The following ATG5 variants were observed in gnomAD, a reference collection of about 807,000 sequenced individuals.
ATG5 encodes the protein autophagy protein 5.
ATG5 carries 14 observed loss-of-function variants against 36.5 expected under a neutral mutation model. That is an observed-to-expected ratio of 0.38 (90% CI 0.25 to 0.60). The LOEUF (loss-of-function observed/expected upper bound fraction) is 0.60, where lower values mean the gene tolerates loss of function less well. Among genes scored for constraint, ATG5 ranks in the 20% least tolerant of loss-of-function variants. The pLI, the probability that ATG5 is intolerant of heterozygous loss-of-function variation, is 0.60. For synonymous variants in ATG5, 95 were observed against 101.5 expected (o/e 0.94, Z 0.38); for missense variants, 195 against 326.7 (o/e 0.60, Z 3.11).
chr6:106,319,266 C>T (rs2763211), intron 1 of ATG5, among the ~76,000 whole-genome samples: 16,776 of 152,100 alleles, frequency 0.11, 999 homozygotes, highest in South Asian at 0.16. Context: ...TAAAAGTCAA[C>T]ATTTAAAGAC....
At chr6:106,268,759 G>A (rs1194968949) in intron 5 of ATG5, among the ~76,000 whole-genome samples, 2 of 151,876 alleles carry the variant, frequency 1.3e-5, no homozygotes, top group African/African-American at 2.4e-5. Flanking sequence ...CATTATCCTC[G>A]GCAAACTAAC....
chr6:106,264,815 G>C (rs1733168523), intron 5 of ATG5, among the ~76,000 whole-genome samples: 2 of 152,062 alleles, frequency 1.3e-5, no homozygotes, highest in African/African-American at 4.8e-5. Flanking sequence ...TCATCACCAG[G>C]CCTGCCCTAC....
rs370945021 is a variant in ATG5, at chr6:106,214,400, ACTTT to A, written c.574-12315_574-12312del. 5.5e-3 allele frequency among the ~76,000 whole-genome samples: 838 copies of A among 152,194 alleles called. 4 individuals are homozygous for A. Among genetic ancestry groups the A allele is most frequent in the African/African-American group, 0.019 (785 of 41,530 alleles). On this transcript the variant is annotated intron_variant, in intron 6 of 7. Coordinates refer to ENST00000369076, the MANE Select transcript of ATG5 (RefSeq NM_004849.4). ...AGAAATAGGAGAGTTGAAAATAAGC[ACTTT>A]CTGTACTTATGTTGAGAGTCTGAAG... is the stretch of plus-strand genomic sequence containing the variant.
At chr6:106,325,116 G>A (rs1356429003) in intron 1 of ATG5, among the ~76,000 whole-genome samples, 1 of 152,188 alleles carries the variant, frequency 6.6e-6, no homozygotes, top group Non-Finnish European at 1.5e-5. Context: ...ATTGAGACAG[G>A]GAATATCGTA....
In ATG5 at chr6:106,316,096, C is replaced by T; in HGVS notation, c.108+5G>A. 6.2e-7 allele frequency: 1 copy of T among 1,605,902 alleles called. No individual in the cohort carries two copies. Among genetic ancestry groups the T allele is most frequent in the Non-Finnish European group, 8.5e-7 (1 of 1,174,654 alleles). Reference sequence around the variant, plus strand: ...TATCCCATTTGCCACAATCAATGTACTTACATAGTATGGTTCTGCTTCCCT... The same window carrying T: ...TATCCCATTTGCCACAATCAATGTATTTACATAGTATGGTTCTGCTTCCCT... On this transcript the variant is annotated splice_donor_5th_base_variant and intron_variant, in intron 2 of 7. Transcript: ENST00000369076.
At position 106,316,145 on chromosome 6, in the gene ATG5, G is replaced by A. The variant is rs1770839944; in HGVS notation, c.64C>T (p.Leu22=). Residue 22 remains leucine, a synonymous_variant, in exon 2 of 8, where the codon CTA becomes TTA. Coordinates refer to ENST00000369076, the MANE Select transcript of ATG5 (RefSeq NM_004849.4). ...CTTTCAGTTATCTCATCCTGATATA[G>A]CGTGAAACAAGTTGGAATTCGTCCA... ...WFGRIPTCFT[L]YQDEITEREA... is the part of the protein sequence containing the mutation. 1.9e-6 allele frequency: 3 copies of A among 1,613,534 alleles called. No individual in the cohort carries two copies. The highest frequency in any genetic ancestry group is 2.5e-6 in the Non-Finnish European group (3 of 1,179,726).
intron 5 of ATG5, among the ~76,000 whole-genome samples, chr6:106,273,057 C>A (rs1172352523): frequency 6.6e-6 from 1 of 152,156 alleles, no homozygotes; most frequent in Non-Finnish European, 1.5e-5. Context: ...GTTCCAAAGA[C>A]TGATAAAAAT....
At chr6:106,190,162 CT>C (rs1371540788) in intron 7 of ATG5, among the ~76,000 whole-genome samples, 1 of 152,128 alleles carries the variant, frequency 6.6e-6, no homozygotes, top group African/African-American at 2.4e-5. Flanking sequence ...CCAGGACTGT[CT>C]TAGTCTGTCT....
intron 3 of ATG5, 109 bp downstream of exon 3, chr6:106,308,255 C>T: frequency 2.2e-6 from 2 of 910,094 alleles, no homozygotes; most frequent in East Asian, 6.2e-5. Context: ...ATGAGCTAGA[C>T]TAATGACTTC....
chr6:106,240,921 A>C (rs1401111504), intron 6 of ATG5, among the ~76,000 whole-genome samples: 1 of 152,162 alleles, frequency 6.6e-6, no homozygotes. Flanking sequence ...GGGAGGCCAA[A>C]GCAGGCGGAT....
chr6:106,262,555 C>T (rs1562243366), intron 5 of ATG5, among the ~76,000 whole-genome samples: 2 of 152,080 alleles, frequency 1.3e-5, no homozygotes, highest in South Asian at 2.1e-4. Context: ...TTTCCATTCT[C>T]GAGTTGATAA....
intron 7 of ATG5, among the ~76,000 whole-genome samples, chr6:106,200,036 T>C (rs1776354796): frequency 6.6e-6 from 1 of 152,242 alleles, no homozygotes; most frequent in Non-Finnish European, 1.5e-5. Flanking sequence ...GTTCTGACAG[T>C]ATTATTGTAG....
chr6:106,228,489 A>T (rs982972134), intron 6 of ATG5, among the ~76,000 whole-genome samples: 1 of 151,962 alleles, frequency 6.6e-6, no homozygotes, highest in Non-Finnish European at 1.5e-5. Flanking sequence ...CTTCTAATAG[A>T]GCTATAACAC....
intron 6 of ATG5, among the ~76,000 whole-genome samples, chr6:106,235,416 G>A (rs1777859046): frequency 6.6e-6 from 1 of 152,128 alleles, no homozygotes; most frequent in South Asian, 2.1e-4. Context: ...AATTCCGCAG[G>A]AAGCAGTTAG....
intron 5 of ATG5, among the ~76,000 whole-genome samples, chr6:106,248,896 C>T (rs1317704662): frequency 6.6e-6 from 1 of 152,138 alleles, no homozygotes; most frequent in Non-Finnish European, 1.5e-5. Flanking sequence ...CGAGATCACG[C>T]CATTGCACTC....
At chr6:106,191,256 C>T (rs1394583619) in intron 7 of ATG5, among the ~76,000 whole-genome samples, 2 of 152,040 alleles carry the variant, frequency 1.3e-5, no homozygotes, top group Admixed American at 6.6e-5. Flanking sequence ...AATTTTTCTA[C>T]AAACAAAATT....
intron 7 of ATG5, among the ~76,000 whole-genome samples, chr6:106,200,008 C>A (rs1044351040): frequency 6.6e-6 from 1 of 152,176 alleles, no homozygotes; most frequent in African/African-American, 2.4e-5. Context: ...TCTCTTCCTT[C>A]AATCCTTTCT....
At chr6:106,323,042 C>T (rs1771152827) in intron 1 of ATG5, among the ~76,000 whole-genome samples, 3 of 152,010 alleles carry the variant, frequency 2.0e-5, no homozygotes, top group Non-Finnish European at 2.9e-5. Context: ...GCTTCAGCCT[C>T]CCAGTGGCTG....
chr6:106,191,567 A>G (rs574209354), intron 7 of ATG5, among the ~76,000 whole-genome samples: 3 of 152,280 alleles, frequency 2.0e-5, no homozygotes, highest in East Asian at 3.9e-4. Context: ...CTCATCTTAC[A>G]GTGTGAACAA....
Sources: gnomAD v4.1 joint callset for allele counts (sites outside exome capture counted in the v4.1 genomes callset) on GRCh38, gnomAD v4.1.1 for gene constraint, MANE v1.5 for transcripts, NCBI Gene and HGNC (gene_info 2026-07-23, HGNC 2026-07-21) for gene names.